Variants in VAT1L observed in about 807,000 individuals in gnomAD.
VAT1L encodes vesicle amine transport 1 like, also known as putative NADPH-dependent quinone oxidoreductase VAT1L.
A neutral mutation model predicts 44.1 loss-of-function variants in VAT1L; 34 were observed. That is an observed-to-expected ratio of 0.77 (90% CI 0.59 to 1.03). VAT1L has a LOEUF of 1.03. VAT1L is among the 50% of genes least tolerant of loss of function. VAT1L has a pLI of 0.00. For synonymous variants in VAT1L, 253 were observed against 202.2 expected, an observed-to-expected ratio of 1.25 and a Z score of -2.13; for missense variants, 615 against 538.8, an observed-to-expected ratio of 1.14 and a Z score of -1.40.
rs1404259645 is a variant in VAT1L at position 77,884,905 on chromosome 16, G to A, written c.1077+103G>A. Reference sequence around the variant, plus strand: ...CTACTAAATGATTTTTTTCCCAGATGGGTTTGTTTTAAATGAGGGTCCTAA... The same window carrying A: ...CTACTAAATGATTTTTTTCCCAGATAGGTTTGTTTTAAATGAGGGTCCTAA... On this transcript the variant is annotated intron_variant, in intron 7 of 8. Coordinates refer to ENST00000302536, the MANE Select transcript of VAT1L (RefSeq NM_020927.3). The surrounding 1 kb of genome is among the most constrained non-coding windows in gnomAD (Gnocchi z 4.5). The A allele has an allele frequency of 1.6e-5, 20 of 1,284,618 alleles. No individual in the cohort carries two copies. Among genetic ancestry groups the A allele is most frequent in the Middle Eastern group, 2.1e-4 (1 of 4,858 alleles). 79.6% of individuals were successfully genotyped at this position (1,284,618 alleles called of 1,614,324 possible). A position where few individuals can be genotyped will look rare whatever the true frequency, so the allele number is the denominator to read the frequency against.
chr16:77,828,732 G>A (rs140143563), intron 3 of VAT1L, among the ~76,000 whole-genome samples: 120 of 152,230 alleles, frequency 7.9e-4, no homozygotes, highest in African/African-American at 2.7e-3. Context: ...GAGAATGAGA[G>A]AAGCTACACT....
At chr16:77,950,293 C>T (rs982366121) in intron 7 of VAT1L, among the ~76,000 whole-genome samples, 36 of 152,160 alleles carry the variant, frequency 2.4e-4, no homozygotes, top group African/African-American at 8.0e-4. Context: ...CCTGTAATCC[C>T]AGCTACTCAG....
chr16:77,945,222 TCTGTGC>T (rs2017945479), intron 7 of VAT1L, among the ~76,000 whole-genome samples: 1 of 149,896 alleles, frequency 6.7e-6, no homozygotes, highest in Admixed American at 6.7e-5. Flanking sequence ...GCTTGTGGTA[TCTGTGC>T]TTAGTGAGGC....
chr16:77,925,314 AC>A (rs2017654212), intron 7 of VAT1L, among the ~76,000 whole-genome samples: 1 of 152,100 alleles, frequency 6.6e-6, no homozygotes, highest in African/African-American at 2.4e-5. Flanking sequence ...CAAACCATCT[AC>A]CCCTTCTGGT....
At chr16:77,844,531 C>T (rs2016739419) in intron 3 of VAT1L, among the ~76,000 whole-genome samples, 1 of 152,158 alleles carries the variant, frequency 6.6e-6, no homozygotes, top group East Asian at 1.9e-4. Flanking sequence ...CCCTTAGCCT[C>T]CCAAGTAGGT....
intron 3 of VAT1L, among the ~76,000 whole-genome samples, chr16:77,848,767 G>A (rs1381513430): frequency 2.0e-5 from 3 of 152,156 alleles, no homozygotes; most frequent in Admixed American, 6.5e-5. Flanking sequence ...ACTGTTCACA[G>A]TAGCAAAAAC....
chr16:77,900,019 A>C (rs577986677), intron 7 of VAT1L, among the ~76,000 whole-genome samples: 1 of 152,240 alleles, frequency 6.6e-6, no homozygotes, highest in Non-Finnish European at 1.5e-5. Context: ...CTTTGCTGGA[A>C]GTGCAGAGGT....
chr16:77,838,505 A>AC (rs2016664619), intron 3 of VAT1L, among the ~76,000 whole-genome samples: 1 of 151,112 alleles, frequency 6.6e-6, no homozygotes, highest in Non-Finnish European at 1.5e-5. Context: ...CCTTGCACTC[A>AC]CCCCCCTGCT....
In VAT1L at chr16:77,956,935, G is replaced by A. The variant is rs529060287; in HGVS notation, c.1078-14915G>A. Reference sequence around the variant, plus strand: ...GTTATATATGGATTATAGAGTCAACGTATCTCAGTTTCCTTAGGTACTAAA... The same window carrying A: ...GTTATATATGGATTATAGAGTCAACATATCTCAGTTTCCTTAGGTACTAAA... On this transcript the variant is annotated intron_variant, in intron 7 of 8. Coordinates refer to ENST00000302536, the MANE Select transcript of VAT1L (RefSeq NM_020927.3). Among the ~76,000 whole-genome samples the A allele has an allele frequency of 1.6e-4, 24 of 152,222 alleles. No individual in the cohort carries two copies. In the South Asian group the frequency reaches 2.5e-3, roughly 16 times the overall value.
At chr16:77,818,191 A>C (rs2016388284) in intron 2 of VAT1L, among the ~76,000 whole-genome samples, 1 of 152,210 alleles carries the variant, frequency 6.6e-6, no homozygotes, top group Admixed American at 6.5e-5. Flanking sequence ...TATAAAATGC[A>C]GTGCCAAAAT....
chr16:77,895,981 G>A (rs1481816101), intron 7 of VAT1L, among the ~76,000 whole-genome samples: 1 of 152,216 alleles, frequency 6.6e-6, no homozygotes, highest in East Asian at 1.9e-4. Context: ...AGGCCTGGAA[G>A]TTGGAGAGAA....
At chr16:77,971,249 G>A (rs571690640) in intron 7 of VAT1L, among the ~76,000 whole-genome samples, 1 of 152,274 alleles carries the variant, frequency 6.6e-6, no homozygotes, top group East Asian at 1.9e-4. Flanking sequence ...GATCCCAGGA[G>A]ACACCTGTTG....
intron 1 of VAT1L, among the ~76,000 whole-genome samples, chr16:77,789,303 G>A (rs1264045580): frequency 1.3e-5 from 2 of 152,158 alleles, no homozygotes; most frequent in African/African-American, 4.8e-5. Flanking sequence ...CTGTGTGCCA[G>A]CCGCCGTTGG....
intron 7 of VAT1L, among the ~76,000 whole-genome samples, chr16:77,897,307 C>T (rs1404045095): frequency 6.6e-6 from 1 of 152,150 alleles, no homozygotes; most frequent in Non-Finnish European, 1.5e-5. Context: ...TACCATGTTC[C>T]TTGTTATTGC....
rs181329067 is a variant in VAT1L, at chr16:77,870,086, A to G, written c.723-6284A>G. On this transcript the variant is annotated intron_variant, in intron 4 of 8. Coordinates refer to ENST00000302536, the MANE Select transcript of VAT1L (RefSeq NM_020927.3). ...CGAAGTACATATGGGAACTACTAAT[A>G]GTAAACACTTACCAAGAAGCCTACC... 3.9e-5 allele frequency among the ~76,000 whole-genome samples: 6 copies of G among 152,344 alleles called. No individual in the cohort carries two copies. The East Asian group carries it at 1.2e-3, about 29-fold the overall frequency.
chr16:77,917,174 G>A (rs972562234), intron 7 of VAT1L, among the ~76,000 whole-genome samples: 1 of 152,086 alleles, frequency 6.6e-6, no homozygotes, highest in African/African-American at 2.4e-5. Flanking sequence ...CTAGAGAGAC[G>A]ATAAGAGGGG....
chr16:77,788,968 G>C (rs2015782121), intron 1 of VAT1L, 53 bp downstream of exon 1: 1 of 1,430,552 alleles, frequency 7.0e-7, no homozygotes, highest in South Asian at 1.5e-5. Context: ...CTGGGCGCTG[G>C]GGAGGGGGTG....
chr16:77,844,955 G>A (rs1306469334), intron 3 of VAT1L, among the ~76,000 whole-genome samples: 1 of 152,222 alleles, frequency 6.6e-6, no homozygotes, highest in Non-Finnish European at 1.5e-5. Context: ...TCTTCACTGA[G>A]TGGGTGACAT....
At position 77,884,958 on chromosome 16, in the gene VAT1L, T is replaced by A. The variant is rs186021591; in HGVS notation, c.1077+156T>A. ...GTCACCTGTACCACAGAATAGTACTTTGGATATAAGAAATACTTTAAGCTC... is the reference window on the plus strand; with the variant it reads ...GTCACCTGTACCACAGAATAGTACTATGGATATAAGAAATACTTTAAGCTC... On this transcript the variant is annotated intron_variant, in intron 7 of 8. Coordinates refer to ENST00000302536, the MANE Select transcript of VAT1L (RefSeq NM_020927.3). This position sits in a 1 kb window ranked among gnomAD's most constrained non-coding sequence, Gnocchi z 4.5. Among the ~76,000 whole-genome samples the A allele has an allele frequency of 6.6e-6, 1 of 151,826 alleles. No homozygotes were observed. The highest frequency in any genetic ancestry group is 6.5e-5 in the Admixed American group (1 of 15,280).
Sources: gnomAD v4.1 joint callset for allele counts (sites outside exome capture counted in the v4.1 genomes callset) on GRCh38, gnomAD v4.1.1 for gene constraint, Gnocchi (gnomAD v3.1) non-coding constraint, MANE v1.5 for transcripts, NCBI Gene and HGNC (gene_info 2026-07-23, HGNC 2026-07-21) for gene names.